IFI44L: variants seen among roughly 807,000 people sequenced by gnomAD.
IFI44L encodes the protein interferon-induced protein 44-like.
Under a neutral mutation model 39.3 loss-of-function variants are expected in IFI44L, and 40 were observed. The ratio of observed to expected loss-of-function variants is 1.02; its 90% CI spans 0.79 to 1.33. IFI44L has a LOEUF of 1.33. IFI44L is among the 40% of genes most tolerant of loss of function. The pLI, the probability that IFI44L is intolerant of heterozygous loss-of-function variation, is 0.00. For missense variants in IFI44L, 623 were observed against 549.0 expected (o/e 1.13, Z -1.35); for synonymous variants, 198 against 182.3 (o/e 1.09, Z -0.69).
At chr1:78,639,859 C>T (rs1653095549) in intron 6 of IFI44L, among the ~76,000 whole-genome samples, 1 of 152,026 alleles carries the variant, frequency 6.6e-6, no homozygotes, top group South Asian at 2.1e-4. Flanking sequence ...AAGTGCTATG[C>T]CGTTTAATGT....
At chr1:78,635,510 A>G (rs758055624) in intron 5 of IFI44L, 21 bp downstream of exon 5, 2 of 1,595,688 alleles carry the variant, frequency 1.3e-6, no homozygotes, top group South Asian at 2.3e-5. Flanking sequence ...TTCAATATCC[A>G]AAACATTTCA....
At chr1:78,621,538 C>T (rs1197940748) in intron 1 of IFI44L, among the ~76,000 whole-genome samples, 1 of 152,178 alleles carries the variant, frequency 6.6e-6, no homozygotes, top group Non-Finnish European at 1.5e-5. Context: ...TCCCAAAGTG[C>T]TGGGATTACA....
At chr1:78,630,556 T>C (rs1201422689) in intron 4 of IFI44L, among the ~76,000 whole-genome samples, 1 of 152,124 alleles carries the variant, frequency 6.6e-6, no homozygotes, top group Non-Finnish European at 1.5e-5. Flanking sequence ...GCACATGCAA[T>C]CAAACAAAAA....
rs1361058701 is a variant in IFI44L at position 78,646,022 on chromosome 1, A to G, written c.*4213A>G. The G allele has an allele frequency of 6.6e-6, 1 of 152,202 alleles. No homozygotes were observed. The highest frequency in any genetic ancestry group is 1.5e-5 in the Non-Finnish European group (1 of 68,056). 9.4% of individuals were successfully genotyped at this position (152,202 alleles called of 1,614,324 possible). On this transcript the variant is annotated 3_prime_UTR_variant, in exon 9 of 9. Coordinates refer to ENST00000370751, the MANE Select transcript of IFI44L (RefSeq NM_006820.4). The stretch of plus-strand genomic sequence containing the variant: ...GGGGTGGAGGTGGGGGGGTTGAATA[A>G]CAAGCTGTGCTAAATAATTACGTGT...
At chr1:78,640,238 C>T (rs1345167625) in intron 6 of IFI44L, among the ~76,000 whole-genome samples, 1 of 151,976 alleles carries the variant, frequency 6.6e-6, no homozygotes, top group Admixed American at 6.6e-5. Flanking sequence ...TCTAAAAGGA[C>T]ATTGTATTAA....
chr1:78,639,092 C>G (rs369367481), intron 6 of IFI44L, among the ~76,000 whole-genome samples: 2 of 152,020 alleles, frequency 1.3e-5, no homozygotes, highest in African/African-American at 2.4e-5. Flanking sequence ...CTCCTTGCAT[C>G]GAAGGTTAAT....
At position 78,629,002 on chromosome 1, in the gene IFI44L, A is replaced by T; in HGVS notation, c.527+3A>T. The stretch of plus-strand genomic sequence containing the variant: ...AAGAGGATAATTAAAGCCAGAGAGT[A>T]AGTTGGATTCTTGGGCTATCTATTA... On this transcript the variant is annotated splice_donor_region_variant and intron_variant, in intron 3 of 8. Transcript: ENST00000370751. The T allele has an allele frequency of 6.4e-7, 1 of 1,569,556 alleles. No homozygotes were observed. Among genetic ancestry groups the T allele is most frequent in the Middle Eastern group, 1.7e-4 (1 of 5,962 alleles).
chr1:78,642,170 C>G lies in IFI44L; in HGVS notation c.*361C>G, dbSNP rs1646994798. 1 of 254,318 alleles carries G rather than the reference C, an allele frequency of 3.9e-6. No individual in the cohort carries two copies. Among genetic ancestry groups the G allele is most frequent in the Non-Finnish European group, 7.6e-6 (1 of 131,276 alleles). 15.8% of individuals were successfully genotyped at this position (254,318 alleles called of 1,614,324 possible). ...AGTTATAAAATTATTGTATAGACATCTGCTTCTTAAACAGATTGTGAGTTC... is the reference window on the plus strand; with the variant it reads ...AGTTATAAAATTATTGTATAGACATGTGCTTCTTAAACAGATTGTGAGTTC... On this transcript the variant is annotated 3_prime_UTR_variant, in exon 9 of 9. Transcript: ENST00000370751.
rs1453613434 is a variant in IFI44L, at chr1:78,628,191, C to T, written c.276C>T (p.Asp92=). 1 of 1,612,744 alleles carries T rather than the reference C, an allele frequency of 6.2e-7. No homozygotes were observed. The highest frequency in any genetic ancestry group is 8.5e-7 in the Non-Finnish European group (1 of 1,179,348). The change falls in exon 2 of 9, where the codon GAC becomes GAT. Residue 92 remains aspartate, a synonymous_variant. Transcript: ENST00000370751. ...SLWFSLQKKN[D]TTEIETLLLN... ...GGTTTTCACTTCAAAAGAAAAATGA[C>T]ACCACTGAAATAGAAACTTTACTCT...
chr1:78,631,078 T>A (rs548671015), intron 4 of IFI44L, among the ~76,000 whole-genome samples: 2 of 152,222 alleles, frequency 1.3e-5, no homozygotes, highest in Admixed American at 1.3e-4. Flanking sequence ...CTTTTAAGTT[T>A]TAAATTCCAA....
chr1:78,623,683 CTGGTGGAGCCAG>C (rs1213419257), intron 1 of IFI44L, among the ~76,000 whole-genome samples: 5 of 152,102 alleles, frequency 3.3e-5, no homozygotes, highest in Admixed American at 1.3e-4. Context: ...TGCCTGAGAA[CTGGTGGAGCCAG>C]TGGTGGAACT....
chr1:78,628,634 AAAGG>A, intron 2 of IFI44L: 1 of 523,350 alleles, frequency 1.9e-6, no homozygotes, highest in Non-Finnish European at 3.3e-6. Flanking sequence ...TAGAGATGAC[AAAGG>A]AGATGGGGAT....
At chr1:78,623,545 A>G (rs1401040595) in intron 1 of IFI44L, among the ~76,000 whole-genome samples, 2 of 152,064 alleles carry the variant, frequency 1.3e-5, no homozygotes, top group African/African-American at 4.8e-5. Flanking sequence ...ATAAAATTAA[A>G]AAAAAACTAA....
chr1:78,641,674 A>G (rs1005955479), intron 8 of IFI44L, 65 bp downstream of exon 8: 2 of 1,607,550 alleles, frequency 1.2e-6, no homozygotes, highest in Non-Finnish European at 1.7e-6. Context: ...CCTAAGTTAT[A>G]CATCAGTTAT....
intron 1 of IFI44L, 182 bp from the exon 2 acceptor site, chr1:78,627,724 A>G: frequency 5.4e-6 from 2 of 370,844 alleles, no homozygotes; most frequent in South Asian, 1.4e-4. Context: ...TCTAAATTAT[A>G]TATTTTTATA....
chr1:78,645,609 C>T lies in IFI44L; in HGVS notation c.*3800C>T, dbSNP rs999918675. On this transcript the variant is annotated 3_prime_UTR_variant, in exon 9 of 9. Coordinates refer to ENST00000370751, the MANE Select transcript of IFI44L (RefSeq NM_006820.4). ...TAACTCAATCTAATGCTAAGGTACC[C>T]ACAAGATGGCAAGGCTGATCAAAGT... 6.6e-6 allele frequency: 1 copy of T among 152,146 alleles called. No individual in the cohort carries two copies. The highest frequency in any genetic ancestry group is 1.5e-5 in the Non-Finnish European group (1 of 68,042). 9.4% of individuals were successfully genotyped at this position (152,146 alleles called of 1,614,324 possible).
In IFI44L at chr1:78,629,930, T is replaced by G; in HGVS notation, c.723+15T>G. ...TAACCGAGCGGGTAAGTTATTTCCC[T>G]GAGGATTTTATTTTATAGATTACAA... On this transcript the variant is annotated intron_variant, in intron 4 of 8. Transcript: ENST00000370751. 6.2e-7 allele frequency: 1 copy of G among 1,603,186 alleles called. No homozygotes were observed. The highest frequency in any genetic ancestry group is 8.5e-7 in the Non-Finnish European group (1 of 1,171,976).
intron 4 of IFI44L, 97 bp downstream of exon 4, chr1:78,630,012 T>A: frequency 9.1e-7 from 1 of 1,098,978 alleles, no homozygotes; most frequent in Non-Finnish European, 1.4e-6. Context: ...AATATACAAT[T>A]AAATGCTAAA....
chr1:78,629,988 C>T lies in IFI44L; in HGVS notation c.723+73C>T, dbSNP rs1248874781. The T allele has an allele frequency of 3.7e-6, 5 of 1,338,030 alleles. No individual in the cohort carries two copies. The African/African-American group carries it at 7.3e-5, about 20-fold the overall frequency. 82.9% of individuals were successfully genotyped at this position (1,338,030 alleles called of 1,614,324 possible). A position where few individuals can be genotyped will look rare whatever the true frequency, so the allele number is the denominator to read the frequency against. On this transcript the variant is annotated intron_variant, in intron 4 of 8. Coordinates refer to ENST00000370751, the MANE Select transcript of IFI44L (RefSeq NM_006820.4). ...ATTGCTTATGTCTTTGCCTTTTTCT[C>T]TTAGGGCAATCCTAATATACAATTA...
Sources: allele counts gnomAD v4.1 joint callset (sites outside exome capture counted in the v4.1 genomes callset), GRCh38; gene constraint gnomAD v4.1.1; transcripts MANE v1.5; gene names NCBI Gene and HGNC (gene_info 2026-07-23, HGNC 2026-07-21).